The following TSPAN5 variants were observed in gnomAD, a reference collection of about 807,000 sequenced individuals.
TSPAN5 encodes tetraspanin 5, also known as tetraspanin-5.
A neutral mutation model predicts 37.1 loss-of-function variants in TSPAN5; 10 were observed. That is an observed-to-expected ratio of 0.27 (90% CI 0.17 to 0.46). The LOEUF is 0.46. Ranked by LOEUF, TSPAN5 falls within the 20% of genes least tolerant of loss-of-function variation. The probability of loss-of-function intolerance (pLI) is 1.00; values close to 1 mark genes in which losing one functional copy is unlikely to be tolerated. For missense variants in TSPAN5, 195 were observed against 326.6 expected, an observed-to-expected ratio of 0.60 and a Z score of 3.11; for synonymous variants, 110 against 118.9, an observed-to-expected ratio of 0.93 and a Z score of 0.48.
At chr4:98,611,633 C>T (rs1048830331) in intron 1 of TSPAN5, among the ~76,000 whole-genome samples, 9 of 152,196 alleles carry the variant, frequency 5.9e-5, no homozygotes, top group African/African-American at 1.7e-4. Flanking sequence ...GGGGAGAAAA[C>T]AAGCTGCCTC....
intron 1 of TSPAN5, among the ~76,000 whole-genome samples, chr4:98,510,152 C>A (rs151097880): frequency 3.9e-5 from 6 of 152,222 alleles, no homozygotes; most frequent in African/African-American, 1.2e-4. Flanking sequence ...CTGAAATAGG[C>A]GCTCTTATTA....
chr4:98,522,179 C>T (rs1753871374), intron 1 of TSPAN5, among the ~76,000 whole-genome samples: 2 of 152,220 alleles, frequency 1.3e-5, no homozygotes, highest in Admixed American at 1.3e-4. Flanking sequence ...TGCCCAACCC[C>T]CACATTAGGC....
chr4:98,475,150 C>T (rs560214219), intron 7 of TSPAN5, among the ~76,000 whole-genome samples: 107 of 152,246 alleles, frequency 7.0e-4, no homozygotes, highest in African/African-American at 2.5e-3. Flanking sequence ...TATTATGGGT[C>T]CCTTGCTTTT....
intron 2 of TSPAN5, among the ~76,000 whole-genome samples, chr4:98,488,754 A>G (rs78380738): frequency 0.012 from 1,770 of 152,316 alleles, 14 homozygotes; most frequent in South Asian, 0.022. Context: ...GAGAAGTCGG[A>G]CAAAATCCAA....
intron 1 of TSPAN5, among the ~76,000 whole-genome samples, chr4:98,612,536 G>A (rs1756221647): frequency 6.6e-6 from 1 of 152,158 alleles, no homozygotes. Context: ...TTGCTTAGCA[G>A]ACCTAAACAG....
At chr4:98,513,915 A>T (rs573703343) in intron 1 of TSPAN5, among the ~76,000 whole-genome samples, 8 of 148,282 alleles carry the variant, frequency 5.4e-5, no homozygotes, top group Non-Finnish European at 7.5e-5. Flanking sequence ...GATAGTATAT[A>T]TCAAGTTCCT....
In TSPAN5 at chr4:98,591,709, GT is replaced by G. The variant is rs1226274277; in HGVS notation, c.81+66436del. The stretch of plus-strand genomic sequence containing the variant: ...AATAATTATTAACATTAATTTCATG[GT>G]TTTTTTTCTTTTTAATGTGTCTACC... On this transcript the variant is annotated intron_variant, in intron 1 of 7. Transcript: ENST00000305798. Among the ~76,000 whole-genome samples the G allele has an allele frequency of 2.4e-4, 31 of 131,890 alleles. No homozygotes were observed. The Middle Eastern group carries it at 0.011, about 49-fold the overall frequency. The allele number at this position is 131,890 out of a possible 152,430, so 86.5% of individuals were successfully genotyped here.
At chr4:98,630,289 A>T (rs1184862659) in intron 1 of TSPAN5, among the ~76,000 whole-genome samples, 1 of 152,196 alleles carries the variant, frequency 6.6e-6, no homozygotes, top group Non-Finnish European at 1.5e-5. Flanking sequence ...ATGAGGCCTG[A>T]TGGAGAAAAC....
intron 2 of TSPAN5, among the ~76,000 whole-genome samples, chr4:98,494,935 C>G (rs1300193429): frequency 6.6e-6 from 1 of 152,126 alleles, no homozygotes; most frequent in African/African-American, 2.4e-5. Context: ...CATGAGGAAG[C>G]TGAAGCCAGG....
intron 1 of TSPAN5, among the ~76,000 whole-genome samples, chr4:98,512,121 G>A (rs1168583717): frequency 3.3e-5 from 5 of 151,026 alleles, no homozygotes; most frequent in African/African-American, 7.3e-5. Context: ...GCTGAGGCAG[G>A]AGAATCGCTT....
chr4:98,517,005 C>G (rs1344855513), intron 1 of TSPAN5, among the ~76,000 whole-genome samples: 1 of 152,132 alleles, frequency 6.6e-6, no homozygotes. Context: ...TATAAATCAC[C>G]CAGTCTCGGG....
In TSPAN5 at chr4:98,658,221, G is replaced by A; in HGVS notation, c.6C>T (p.Ser2=). Residue 2 remains serine (S), a synonymous_variant, in exon 1 of 8, where the codon TCC becomes TCT. Transcript: ENST00000305798. ...CTTCAGGACCCTTGTAGTGCTTCCC[G>A]GACATCCTCTGGGTTCATGAAGACA... M[S]GKHYKGPEVS... 6.2e-7 allele frequency: 1 copy of A among 1,613,824 alleles called. No individual in the cohort carries two copies. Among genetic ancestry groups the A allele is most frequent in the South Asian group, 1.1e-5 (1 of 91,074 alleles).
chr4:98,605,686 G>C (rs1756017837), intron 1 of TSPAN5, among the ~76,000 whole-genome samples: 1 of 152,146 alleles, frequency 6.6e-6, no homozygotes, highest in African/African-American at 2.4e-5. Context: ...CTTCATCCCT[G>C]TGAATAATCA....
chr4:98,488,388 G>A (rs373391435), intron 2 of TSPAN5, among the ~76,000 whole-genome samples: 8 of 152,084 alleles, frequency 5.3e-5, no homozygotes, highest in Admixed American at 2.6e-4. Context: ...GTCAACTTAC[G>A]AACAATAATA....
intron 1 of TSPAN5, among the ~76,000 whole-genome samples, chr4:98,530,932 G>A (rs553125216): frequency 2.6e-5 from 4 of 152,028 alleles, no homozygotes; most frequent in South Asian, 4.2e-4. Flanking sequence ...TTTAAAAGAC[G>A]GTCTCACTAT....
At chr4:98,657,684 C>A in intron 1 of TSPAN5, 1 of 232,646 alleles carries the variant, frequency 4.3e-6, no homozygotes, top group Non-Finnish European at 8.4e-6. Flanking sequence ...ACAGACCAGC[C>A]GCGGCAACAC....
At chr4:98,508,632 C>T (rs1426945146) in intron 1 of TSPAN5, among the ~76,000 whole-genome samples, 1 of 151,490 alleles carries the variant, frequency 6.6e-6, no homozygotes, top group Non-Finnish European at 1.5e-5. Flanking sequence ...TTAACCGAGC[C>T]TCCTGCCTCA....
chr4:98,526,610 C>A (rs1753969737), intron 1 of TSPAN5, among the ~76,000 whole-genome samples: 1 of 151,342 alleles, frequency 6.6e-6, no homozygotes, highest in Admixed American at 6.6e-5. Context: ...TGCCAATTTG[C>A]AGTAAATGCC....
chr4:98,576,926 A>T (rs1021809418), intron 1 of TSPAN5, among the ~76,000 whole-genome samples: 2 of 151,924 alleles, frequency 1.3e-5, no homozygotes, highest in African/African-American at 4.8e-5. Context: ...CATCTGGCTA[A>T]TTTTTTGTAT....
Sources: gnomAD v4.1 joint callset for allele counts (sites outside exome capture counted in the v4.1 genomes callset) on GRCh38, gnomAD v4.1.1 for gene constraint, MANE v1.5 for transcripts, NCBI Gene and HGNC (gene_info 2026-07-23, HGNC 2026-07-21) for gene names.